TNFSF8: variants seen among roughly 807,000 people sequenced by gnomAD.
The protein encoded by TNFSF8 is TNF superfamily member 8, also known as tumor necrosis factor ligand superfamily member 8.
TNFSF8 carries 4 observed loss-of-function variants against 22.0 expected under a neutral mutation model. The observed-to-expected ratio is 0.18, with a 90% CI of 0.09 to 0.42. The LOEUF is 0.42. Ranked by LOEUF, TNFSF8 falls within the 10% of genes least tolerant of loss-of-function variation. The pLI, the probability that TNFSF8 is intolerant of heterozygous loss-of-function variation, is 1.00. For missense variants in TNFSF8, 233 were observed against 281.8 expected (o/e 0.83, Z 1.24); for synonymous variants, 106 against 112.5 (o/e 0.94, Z 0.37).
intron 4 of TNFSF8, among the ~76,000 whole-genome samples, chr9:114,895,305 G>A (rs978289362): frequency 1.3e-5 from 2 of 152,212 alleles, no homozygotes; most frequent in African/African-American, 4.8e-5. Flanking sequence ...TTCTAAGTGA[G>A]AAAAGTGTTC....
chr9:114,914,723 T>C (rs923627449), intron 2 of TNFSF8, among the ~76,000 whole-genome samples: 28 of 152,124 alleles, frequency 1.8e-4, no homozygotes, highest in Middle Eastern at 3.2e-3. Context: ...GTCTTCTGGG[T>C]GAGAAAACTA....
chr9:114,906,750 T>A (rs1485879597), intron 2 of TNFSF8, among the ~76,000 whole-genome samples: 1 of 152,150 alleles, frequency 6.6e-6, no homozygotes, highest in Non-Finnish European at 1.5e-5. Flanking sequence ...TCACTAGTGA[T>A]GGTGGCTTAG....
intron 4 of TNFSF8, chr9:114,894,301 A>G: frequency 2.8e-6 from 2 of 706,598 alleles, no homozygotes; most frequent in Admixed American, 4.6e-5. Flanking sequence ...AGTGTAGTAA[A>G]TTTTTAGACA....
At chr9:114,923,364 C>A (rs1005714914) in intron 1 of TNFSF8, among the ~76,000 whole-genome samples, 1 of 152,092 alleles carries the variant, frequency 6.6e-6, no homozygotes, top group Admixed American at 6.5e-5. Context: ...TCTTTTTCAA[C>A]CCTCAGTGCA....
chr9:114,904,054 C>G lies in TNFSF8; in HGVS notation c.582G>C (p.Leu194Phe). Residue 194 changes from leucine to phenylalanine, a missense_variant, in exon 4 of 4, where the codon TTG (leucine) becomes TTC (phenylalanine). Transcript: ENST00000223795. ...KHVYQNLSQF[L>F]LDYLQVNTTI... ...TGGTGTTGACCTGCAGGTAATCCAG[C>G]AAGAATTGAGAGAGATTCTGGTATA... 1 of 1,614,096 alleles carries G rather than the reference C, an allele frequency of 6.2e-7. No homozygotes were observed. The highest frequency in any genetic ancestry group is 8.5e-7 in the Non-Finnish European group (1 of 1,179,986).
intron 2 of TNFSF8, among the ~76,000 whole-genome samples, chr9:114,911,912 C>T (rs535694230): frequency 3.9e-5 from 6 of 152,112 alleles, no homozygotes; most frequent in African/African-American, 1.4e-4. Flanking sequence ...TCTTTAAAGT[C>T]TATAATTTAA....
downstream of TNFSF8, among the ~76,000 whole-genome samples, chr9:114,896,927 G>A (rs375822056): frequency 2.0e-5 from 3 of 151,794 alleles, no homozygotes; most frequent in African/African-American, 7.3e-5. Flanking sequence ...TTGAGATTGA[G>A]TTTCACTCTT....
intron 2 of TNFSF8, among the ~76,000 whole-genome samples, chr9:114,906,632 G>A (rs559281728): frequency 4.6e-5 from 7 of 152,292 alleles, no homozygotes; most frequent in African/African-American, 1.7e-4. Flanking sequence ...AGGACACAGG[G>A]TTAAAGAAAT....
At position 114,930,227 on chromosome 9, in the gene TNFSF8, G is replaced by A; in HGVS notation, c.77C>T (p.Ser26Phe). The A allele has an allele frequency of 1.2e-6, 2 of 1,608,120 alleles. No individual in the cohort carries two copies. The highest frequency in any genetic ancestry group is 2.3e-5 in the East Asian group (1 of 44,168). The change falls in exon 1 of 4, where the codon TCC becomes TTC. Residue 26 changes from serine to phenylalanine, a missense_variant. Coordinates refer to ENST00000223795, the MANE Select transcript of TNFSF8 (RefSeq NM_001244.4). ...CGTGGTCCCCAGGTGGCTGGCCACG[G>A]AGCCCGCCGGCACATGCATGGCTGT... ...GDTAMHVPAG[S>F]VASHLGTTSR...
chr9:114,918,859 A>G (rs1344564316), intron 1 of TNFSF8, among the ~76,000 whole-genome samples: 2 of 152,168 alleles, frequency 1.3e-5, no homozygotes, highest in Non-Finnish European at 2.9e-5. Context: ...TCAGCCTCCC[A>G]AAGTGCTGGG....
intron 1 of TNFSF8, among the ~76,000 whole-genome samples, chr9:114,919,322 C>T (rs1827959881): frequency 6.6e-6 from 1 of 151,856 alleles, no homozygotes; most frequent in African/African-American, 2.4e-5. Context: ...TAAATATTTA[C>T]ACAAATAAGA....
chr9:114,898,681 GTTA>G (rs1827682603), downstream of TNFSF8, among the ~76,000 whole-genome samples: 1 of 152,200 alleles, frequency 6.6e-6, no homozygotes, highest in South Asian at 2.1e-4. Flanking sequence ...TGTACATGTT[GTTA>G]TTATATTCAT....
rs566568053 is a variant in TNFSF8 at position 114,913,999 on chromosome 9, G to A, written c.238+4097C>T. ...TTGGTGGGGTGATTTGTTATAAAAA[G>A]GGCCAGGGTATATTGAGAAGGCCCA... is the stretch of plus-strand genomic sequence containing the variant. On this transcript the variant is annotated intron_variant, in intron 2 of 3. Transcript: ENST00000223795. Among the ~76,000 whole-genome samples, 6 of 152,284 alleles carry A rather than the reference G, an allele frequency of 3.9e-5. No individual in the cohort carries two copies. In the East Asian group the frequency reaches 1.2e-3, roughly 29 times the overall value.
intron 1 of TNFSF8, among the ~76,000 whole-genome samples, chr9:114,918,726 G>T (rs1368300921): frequency 2.8e-4 from 42 of 152,308 alleles, no homozygotes; most frequent in Non-Finnish European, 4.4e-5. Flanking sequence ...TCAGTCTCCA[G>T]AGTAGCTGGG....
intron 2 of TNFSF8, among the ~76,000 whole-genome samples, chr9:114,917,500 T>A (rs1275493244): frequency 6.6e-6 from 1 of 152,198 alleles, no homozygotes; most frequent in Non-Finnish European, 1.5e-5. Flanking sequence ...CGGCATATCA[T>A]CTCTCTGAGG....
At chr9:114,912,578 A>G (rs1827865333) in intron 2 of TNFSF8, among the ~76,000 whole-genome samples, 1 of 151,982 alleles carries the variant, frequency 6.6e-6, no homozygotes, top group Non-Finnish European at 1.5e-5. Flanking sequence ...TTTTTTGAAG[A>G]CAGGGTTTCA....
intron 2 of TNFSF8, among the ~76,000 whole-genome samples, chr9:114,916,281 A>G (rs1457729849): frequency 1.3e-5 from 2 of 152,130 alleles, no homozygotes; most frequent in Non-Finnish European, 2.9e-5. Flanking sequence ...CCGTGTCCTT[A>G]TTTTTTGTAC....
chr9:114,904,671 T>C (rs933452848), intron 3 of TNFSF8, among the ~76,000 whole-genome samples: 2 of 152,240 alleles, frequency 1.3e-5, no homozygotes, highest in Admixed American at 1.3e-4. Context: ...TATAAGCTCC[T>C]GGACTCTGTT....
chr9:114,928,520 A>G (rs1298001115), intron 1 of TNFSF8, among the ~76,000 whole-genome samples: 1 of 152,112 alleles, frequency 6.6e-6, no homozygotes, highest in East Asian at 1.9e-4. Context: ...CCATTTTTCC[A>G]CCATCTCTCT....
Sources: gnomAD v4.1 joint callset for allele counts (sites outside exome capture counted in the v4.1 genomes callset) on GRCh38, gnomAD v4.1.1 for gene constraint, MANE v1.5 for transcripts, NCBI Gene and HGNC (gene_info 2026-07-23, HGNC 2026-07-21) for gene names.